Variants in LMBRD2 observed in about 807,000 individuals in gnomAD.
LMBRD2 encodes G protein-coupled receptor-associated protein LMBRD2.
A neutral mutation model predicts 94.4 loss-of-function variants in LMBRD2; 55 were observed. The observed-to-expected ratio is 0.58, with a 90% CI of 0.47 to 0.73. LMBRD2 has a LOEUF of 0.73. LMBRD2 is among the 30% of genes least tolerant of loss of function. The pLI is 0.00. For missense variants in LMBRD2, 640 were observed against 831.9 expected (o/e 0.77, Z 2.84); for synonymous variants, 246 against 272.4 (o/e 0.90, Z 0.95).
chr5:36,147,985 T>G (rs1744591796), intron 1 of LMBRD2: 1 of 248,192 alleles, frequency 4.0e-6, no homozygotes, highest in South Asian at 3.7e-5. Context: ...ATTGGAAATT[T>G]TATCTAACTT....
chr5:36,111,274 T>G lies in LMBRD2; in HGVS notation c.1641-16A>C. ...GGTTCCCAAACTAATAAAAGCAGAT[T>G]TTTTAAAAAGACAAACATTATTTCA... On this transcript the variant is annotated splice_polypyrimidine_tract_variant and intron_variant, in intron 13 of 17. Coordinates refer to ENST00000296603, the MANE Select transcript of LMBRD2 (RefSeq NM_001007527.2). The G allele has an allele frequency of 6.5e-7, 1 of 1,537,990 alleles. No homozygotes were observed. The highest frequency in any genetic ancestry group is 9.0e-7 in the Non-Finnish European group (1 of 1,114,086).
chr5:36,117,922 A>G lies in LMBRD2; in HGVS notation c.1121-6T>C. 1 of 1,581,600 alleles carries G rather than the reference A, an allele frequency of 6.3e-7. No individual in the cohort carries two copies. Among genetic ancestry groups the G allele is most frequent in the South Asian group, 1.2e-5 (1 of 84,988 alleles). ...AAGACATTCCCAGTACCATTCTAGA[A>G]GACAAAAGAAAAAAATGATTAGGAA... On this transcript the variant is annotated splice_polypyrimidine_tract_variant and splice_region_variant and intron_variant, in intron 9 of 17. Coordinates refer to ENST00000296603, the MANE Select transcript of LMBRD2 (RefSeq NM_001007527.2).
chr5:36,110,794 T>G (rs534322044), intron 14 of LMBRD2, among the ~76,000 whole-genome samples: 37 of 152,100 alleles, frequency 2.4e-4, no homozygotes, highest in African/African-American at 8.9e-4. Context: ...TGATTTCCCA[T>G]GCAGTATCAA....
At chr5:36,147,944 A>G (rs761528622) in intron 1 of LMBRD2, 26 of 380,120 alleles carry the variant, frequency 6.8e-5, no homozygotes, top group South Asian at 5.1e-4. Context: ...GTTAACTTAA[A>G]TATCTGAGTC....
At position 36,117,894 on chromosome 5, in the gene LMBRD2, C is replaced by G; in HGVS notation, c.1143G>C (p.Leu381Phe). The G allele has an allele frequency of 6.2e-7, 1 of 1,610,320 alleles. No homozygotes were observed. Among genetic ancestry groups the G allele is most frequent in the Non-Finnish European group, 8.5e-7 (1 of 1,178,662 alleles). Residue 381 changes from leucine to phenylalanine, a missense_variant, in exon 10 of 18, where the codon TTG (leucine) becomes TTC (phenylalanine). Leu to Phe is a conservative substitution (Grantham distance 22). Coordinates refer to ENST00000296603, the MANE Select transcript of LMBRD2 (RefSeq NM_001007527.2). Reference protein sequence around the residue: ...PTFEWYWECLLRPWFYKILAV... With the variant: ...PTFEWYWECLFRPWFYKILAV... Reference sequence around the variant, plus strand: ...CAAGTATCTTGTAAAACCATGGTCGCAAAAGACATTCCCAGTACCATTCTA... The same window carrying G: ...CAAGTATCTTGTAAAACCATGGTCGGAAAAGACATTCCCAGTACCATTCTA...
At position 36,116,543 on chromosome 5, in the gene LMBRD2, A is replaced by G. The variant is rs774364735; in HGVS notation, c.1353T>C (p.Thr451=). ...AGTTAAATACACGAATCCTGAACAC[A>G]GTAGAATAAACACAGATACTTAGGA... The part of the protein sequence containing the change: ...IFFLSICVYS[T]VFRIRVFNYY... Residue 451 remains threonine (T), a synonymous_variant, in exon 11 of 18, where the codon ACT becomes ACC. Transcript: ENST00000296603. 3 of 1,613,568 alleles carry G rather than the reference A, an allele frequency of 1.9e-6. No individual in the cohort carries two copies. In the South Asian group the frequency reaches 3.3e-5, roughly 18 times the overall value.
chr5:36,133,489 A>G (rs1169425709), intron 6 of LMBRD2, among the ~76,000 whole-genome samples: 1 of 152,166 alleles, frequency 6.6e-6, no homozygotes, highest in African/African-American at 2.4e-5. Flanking sequence ...TAACTAAATG[A>G]ATATAATTGG....
rs904112384 is a variant in LMBRD2, at chr5:36,101,627, G to C, written c.*2419C>G. 1 of 151,564 alleles carries C rather than the reference G, an allele frequency of 6.6e-6. No homozygotes were observed. The highest frequency in any genetic ancestry group is 1.5e-5 in the Non-Finnish European group (1 of 67,770). The allele number at this position is 151,564 out of a possible 1,614,324, so 9.4% of individuals were successfully genotyped here. On this transcript the variant is annotated 3_prime_UTR_variant, in exon 18 of 18. Transcript: ENST00000296603. ...CCCAGCAATAAACTGAGTCTTCCAGGGTCAAGTCATTGCCTTCTGAACTCA... is the reference window on the plus strand; with the variant it reads ...CCCAGCAATAAACTGAGTCTTCCAGCGTCAAGTCATTGCCTTCTGAACTCA...
intron 13 of LMBRD2, 59 bp downstream of exon 13, chr5:36,114,365 T>A: frequency 6.6e-7 from 1 of 1,509,716 alleles, no homozygotes; most frequent in Non-Finnish European, 8.8e-7. Flanking sequence ...AAAAGAGCTT[T>A]AAAGAGAAAG....
rs780667885 is a variant in LMBRD2, at chr5:36,137,369, T to A, written c.441A>T (p.Ala147=). The change falls in exon 5 of 18, where the codon GCA becomes GCT. Residue 147 remains alanine (A), a synonymous_variant. Coordinates refer to ENST00000296603, the MANE Select transcript of LMBRD2 (RefSeq NM_001007527.2). ...CATAGTAGATTGCATTCTCAATTAG[T>A]GCAGTTTTGATCTTTCCAGTGATGG... ...GFSITGKIKT[A]LIENAIYYGT... 6.2e-7 allele frequency: 1 copy of A among 1,607,360 alleles called. No homozygotes were observed. Among genetic ancestry groups the A allele is most frequent in the East Asian group, 2.2e-5 (1 of 44,730 alleles).
chr5:36,114,399 G>GA (rs773964992), intron 13 of LMBRD2, 25 bp downstream of exon 13: 1 of 1,546,134 alleles, frequency 6.5e-7, no homozygotes, highest in East Asian at 2.5e-5. Flanking sequence ...AAGAGCAAAA[G>GA]AAAAAACAAT....
chr5:36,108,476 C>G, intron 16 of LMBRD2, 58 bp downstream of exon 16: 2 of 823,498 alleles, frequency 2.4e-6, no homozygotes. Context: ...CACTCAATCT[C>G]TATGCAAGAA....
chr5:36,121,096 A>G (rs1257307656), intron 9 of LMBRD2, among the ~76,000 whole-genome samples: 1 of 152,202 alleles, frequency 6.6e-6, no homozygotes, highest in African/African-American at 2.4e-5. Flanking sequence ...TTCAATTTCT[A>G]TAATCAACTG....
Position 36,151,248 on chromosome 5 carries a change from G to C in LMBRD2, c.-58+308C>G, listed in dbSNP as rs1744701094. Reference sequence around the variant, plus strand: ...TGCTGGAGGCCCCCTGCGTGCACGGGTAAAGCTCGTTGCAAAATACAGTCC... The same window carrying C: ...TGCTGGAGGCCCCCTGCGTGCACGGCTAAAGCTCGTTGCAAAATACAGTCC... On this transcript the variant is annotated intron_variant, in intron 1 of 17. Coordinates refer to ENST00000296603, the MANE Select transcript of LMBRD2 (RefSeq NM_001007527.2). The surrounding 1 kb of genome is among the most constrained non-coding windows in gnomAD (Gnocchi z 4.7). Among the ~76,000 whole-genome samples the C allele has an allele frequency of 6.6e-6, 1 of 152,242 alleles. No individual in the cohort carries two copies. Among genetic ancestry groups the C allele is most frequent in the Non-Finnish European group, 1.5e-5 (1 of 68,042 alleles).
chr5:36,135,814 T>C (rs1744257699), intron 6 of LMBRD2, among the ~76,000 whole-genome samples: 1 of 152,182 alleles, frequency 6.6e-6, no homozygotes, highest in African/African-American at 2.4e-5. Context: ...AGTCATCAAG[T>C]AAAATGAAGT....
rs1743321288 is a variant in LMBRD2, at chr5:36,100,313, G to A, written c.*3733C>T. 4 of 152,200 alleles carry A rather than the reference G, an allele frequency of 2.6e-5. 1 individual carries two copies. In the South Asian group the frequency reaches 6.2e-4, roughly 24 times the overall value. The allele number at this position is 152,200 out of a possible 1,614,324, so 9.4% of individuals were successfully genotyped here. ...TCTTTAGTGACCTAAAAGATACACT[G>A]AGCCAGCATACTTTACATTTGTATT... On this transcript the variant is annotated 3_prime_UTR_variant, in exon 18 of 18. Coordinates refer to ENST00000296603, the MANE Select transcript of LMBRD2 (RefSeq NM_001007527.2).
intron 8 of LMBRD2, 123 bp from the exon 9 acceptor site, chr5:36,122,586 G>T: frequency 1.1e-6 from 1 of 907,722 alleles, no homozygotes; most frequent in Non-Finnish European, 1.7e-6. Context: ...TACTGGGTCA[G>T]GCTGAGAATA....
At chr5:36,142,703 G>C (rs184663946) in intron 2 of LMBRD2, 104 bp from the exon 3 acceptor site, 1 of 634,026 alleles carries the variant, frequency 1.6e-6, no homozygotes, top group Non-Finnish European at 2.8e-6. Context: ...TACCTTCTTG[G>C]CTATGCTTTA....
chr5:36,131,162 A>T (rs1235828881), intron 6 of LMBRD2, among the ~76,000 whole-genome samples: 3 of 152,272 alleles, frequency 2.0e-5, no homozygotes, highest in Non-Finnish European at 2.9e-5. Context: ...TTATACTAGG[A>T]ATACAAGAAT....
Sources: gnomAD v4.1 joint callset for allele counts (sites outside exome capture counted in the v4.1 genomes callset) on GRCh38, gnomAD v4.1.1 for gene constraint, Gnocchi (gnomAD v3.1) non-coding constraint, MANE v1.5 for transcripts, NCBI Gene and HGNC (gene_info 2026-07-23, HGNC 2026-07-21) for gene names.